Variants in LMO3 observed in about 807,000 individuals in gnomAD.
LMO3 encodes LIM domain only protein 3.
In LMO3, 2 loss-of-function variants were observed where a neutral mutation model predicts 15.8. The observed-to-expected ratio is 0.13, with a 90% CI of 0.05 to 0.40. LMO3 has a LOEUF of 0.40. LMO3 is among the 10% of genes least tolerant of loss of function. LMO3 has a pLI of 0.99. For synonymous variants in LMO3, 62 were observed against 63.8 expected (o/e 0.97, Z 0.13); for missense variants, 86 against 182.2 (o/e 0.47, Z 3.04).
upstream of LMO3, chr12:16,609,011 G>A (rs1269779966): frequency 6.6e-6 from 1 of 152,090 alleles, no homozygotes; most frequent in African/African-American, 2.4e-5. Flanking sequence ...TTTACAGCAA[G>A]ATTTTTTTTA....
intron 2 of LMO3, among the ~76,000 whole-genome samples, chr12:16,561,560 T>C (rs1045609183): frequency 2.0e-5 from 3 of 152,204 alleles, no homozygotes; most frequent in East Asian, 3.8e-4. Context: ...AGAAAACTCA[T>C]TTTGGTTATA....
rs112991578 is a variant in LMO3 at position 16,599,386 on chromosome 12, C to A, written c.206+1269G>T. On this transcript the variant is annotated intron_variant, in intron 2 of 3. Transcript: ENST00000537304. This position sits in a 1 kb window ranked among gnomAD's most constrained non-coding sequence, Gnocchi z 4.1. ...AGGAGTAGAATCTGATAAACAGTAC[C>A]GCTTTCACCCTCTTGTAACTACCAT... 2 of 152,192 alleles carry A rather than the reference C, an allele frequency of 1.3e-5. No individual in the cohort carries two copies. The highest frequency in any genetic ancestry group is 1.9e-4 in the East Asian group (1 of 5,168). 9.4% of individuals were successfully genotyped at this position (152,192 alleles called of 1,614,324 possible). A position where few individuals can be genotyped will look rare whatever the true frequency, so the allele number is the denominator to read the frequency against.
intron 2 of LMO3, among the ~76,000 whole-genome samples, chr12:16,575,223 G>A (rs1035765805): frequency 5.9e-5 from 9 of 152,168 alleles, no homozygotes; most frequent in Non-Finnish European, 1.3e-4. Context: ...AAACCCATAT[G>A]AATAAAACCC....
chr12:16,560,552 CA>C lies in LMO3; in HGVS notation c.207-15del, dbSNP rs1172364709. ...ACACCAAAGAGCCTAGAATAAGAAA[CA>C]TTTTTTTTTTTTTACAAACTCTTAC... On this transcript the variant is annotated splice_polypyrimidine_tract_variant and intron_variant, in intron 2 of 3. Coordinates refer to ENST00000537304, the MANE Select transcript of LMO3 (RefSeq NM_018640.5). The surrounding 1 kb of genome is among the most constrained non-coding windows in gnomAD (Gnocchi z 5.0). 6.4e-7 allele frequency: 1 copy of C among 1,551,108 alleles called. No homozygotes were observed. The highest frequency in any genetic ancestry group is 8.7e-7 in the Non-Finnish European group (1 of 1,149,248).
intron 2 of LMO3, among the ~76,000 whole-genome samples, chr12:16,566,557 G>A (rs988340532): frequency 6.6e-6 from 1 of 151,806 alleles, no homozygotes; most frequent in East Asian, 1.9e-4. Context: ...ATTAAAAAAA[G>A]AAATTTTCAA....
Position 16,598,885 on chromosome 12 carries a change from C to A in LMO3, c.206+1770G>T. ...CTTTCAAGTTTACTTAATTTTTGTC[C>A]TTTGGTTTATTAAAACACCTTAACA... On this transcript the variant is annotated intron_variant, in intron 2 of 3. Transcript: ENST00000537304. The surrounding 1 kb of genome is among the most constrained non-coding windows in gnomAD (Gnocchi z 4.3). The A allele has an allele frequency of 3.6e-6, 1 of 275,308 alleles. No homozygotes were observed. 17.1% of individuals were successfully genotyped at this position (275,308 alleles called of 1,614,324 possible). A position where few individuals can be genotyped will look rare whatever the true frequency, so the allele number is the denominator to read the frequency against.
rs953851730 is a variant in LMO3, at chr12:16,603,078, T to C, written c.-8-2210A>G. ...CAAGCATAGAAGGTCAGCTGTTTTA[T>C]TCAAAATGCTTTGCAACCAAGACAG... On this transcript the variant is annotated intron_variant, in intron 1 of 3. Coordinates refer to ENST00000537304, the MANE Select transcript of LMO3 (RefSeq NM_018640.5). The surrounding 1 kb of genome is among the most constrained non-coding windows in gnomAD (Gnocchi z 4.9). 6.6e-6 allele frequency among the ~76,000 whole-genome samples: 1 copy of C among 152,170 alleles called. No homozygotes were observed. Among genetic ancestry groups the C allele is most frequent in the African/African-American group, 2.4e-5 (1 of 41,440 alleles).
chr12:16,556,331 G>C (rs1323812843), intron 3 of LMO3, among the ~76,000 whole-genome samples: 1 of 152,100 alleles, frequency 6.6e-6, no homozygotes, highest in African/African-American at 2.4e-5. Flanking sequence ...CCCTCCTGCG[G>C]TACCTTTTAA....
At position 16,560,272 on chromosome 12, in the gene LMO3, G is replaced by T; in HGVS notation, c.332+141C>A. The T allele has an allele frequency of 1.2e-6, 1 of 836,314 alleles. No homozygotes were observed. Among genetic ancestry groups the T allele is most frequent in the Non-Finnish European group, 1.8e-6 (1 of 569,366 alleles). 51.8% of individuals were successfully genotyped at this position (836,314 alleles called of 1,614,324 possible). ...TTCTTCTCCTTAGTAGCTTGTCTCT[G>T]GCATGGGATTAAAGTTTACAGAACA... On this transcript the variant is annotated intron_variant, in intron 3 of 3. Transcript: ENST00000537304. The surrounding 1 kb of genome is among the most constrained non-coding windows in gnomAD (Gnocchi z 5.0).
At chr12:16,609,272 C>T (rs985449076), upstream of LMO3, 22 of 152,066 alleles carry the variant, frequency 1.4e-4, no homozygotes, top group Admixed American at 5.9e-4. Context: ...CACCATTAAC[C>T]CTCAGCAAAC....
intron 2 of LMO3, chr12:16,594,429 T>C: frequency 2.0e-6 from 1 of 511,644 alleles, no homozygotes; most frequent in Non-Finnish European, 3.3e-6. Context: ...GAACAGAGTA[T>C]TGCTATTTTT....
intron 2 of LMO3, 157 bp downstream of exon 2, chr12:16,600,498 G>T: frequency 1.6e-6 from 1 of 629,928 alleles, no homozygotes; most frequent in Non-Finnish European, 2.8e-6. Flanking sequence ...ATTAATTTGA[G>T]TAACACACAC....
At chr12:16,606,734 T>A (rs1339212193), upstream of LMO3, 2 of 152,042 alleles carry the variant, frequency 1.3e-5, no homozygotes, top group African/African-American at 4.8e-5. Context: ...CACAACCACA[T>A]GCATATGCTA....
chr12:16,604,167 C>T lies in LMO3; in HGVS notation c.-9+1899G>A, dbSNP rs1943916137. ...CCCATCTTCATCCTCTTCCCAGCCC[C>T]CAACCCAGGTTGGAAAACTGGATTG... On this transcript the variant is annotated intron_variant, in intron 1 of 3. Coordinates refer to ENST00000537304, the MANE Select transcript of LMO3 (RefSeq NM_018640.5). This position sits in a 1 kb window ranked among gnomAD's most constrained non-coding sequence, Gnocchi z 5.3. Among the ~76,000 whole-genome samples the T allele has an allele frequency of 6.6e-6, 1 of 152,224 alleles. No individual in the cohort carries two copies. The highest frequency in any genetic ancestry group is 2.4e-5 in the African/African-American group (1 of 41,462).
intron 2 of LMO3, among the ~76,000 whole-genome samples, chr12:16,588,323 A>C (rs1337606688): frequency 6.6e-6 from 1 of 152,050 alleles, no homozygotes; most frequent in African/African-American, 2.4e-5. Context: ...TGTTTAAAGA[A>C]CACTGTGAAA....
In LMO3 at chr12:16,586,441, C is replaced by G. The variant is rs1157053364; in HGVS notation, c.206+14214G>C. 6.6e-6 allele frequency among the ~76,000 whole-genome samples: 1 copy of G among 152,202 alleles called. No homozygotes were observed. The highest frequency in any genetic ancestry group is 2.4e-5 in the African/African-American group (1 of 41,456). ...TTTCTGGTTCTCCTCCAACACACAGCTGAGTCACAGAGGCCCTGGACAATG... is the reference window on the plus strand; with the variant it reads ...TTTCTGGTTCTCCTCCAACACACAGGTGAGTCACAGAGGCCCTGGACAATG... On this transcript the variant is annotated intron_variant, in intron 2 of 3. Coordinates refer to ENST00000537304, the MANE Select transcript of LMO3 (RefSeq NM_018640.5). This position sits in a 1 kb window ranked among gnomAD's most constrained non-coding sequence, Gnocchi z 4.3.
intron 3 of LMO3, 100 bp from the exon 4 acceptor site, chr12:16,551,427 C>G (rs1941985906): frequency 2.8e-6 from 2 of 709,648 alleles, no homozygotes; most frequent in Admixed American, 4.6e-5. Flanking sequence ...CATGGTAATT[C>G]CCTGAATCTG....
At position 16,552,376 on chromosome 12, in the gene LMO3, G is replaced by C. The variant is rs959851451; in HGVS notation, c.333-1049C>G. Among the ~76,000 whole-genome samples, 4 of 152,154 alleles carry C rather than the reference G, an allele frequency of 2.6e-5. No individual in the cohort carries two copies. In the South Asian group the frequency reaches 8.3e-4, roughly 32 times the overall value. ...TATCAGATAGTCAATTTCAAATGAT[G>C]TTCCAGCAGAAATCTTAGTGGATAG... On this transcript the variant is annotated intron_variant, in intron 3 of 3. Transcript: ENST00000537304.
chr12:16,559,470 C>A lies in LMO3; in HGVS notation c.332+943G>T, dbSNP rs1349769312. Among the ~76,000 whole-genome samples, 1 of 152,142 alleles carries A rather than the reference C, an allele frequency of 6.6e-6. No homozygotes were observed. On this transcript the variant is annotated intron_variant, in intron 3 of 3. Coordinates refer to ENST00000537304, the MANE Select transcript of LMO3 (RefSeq NM_018640.5). The surrounding 1 kb of genome is among the most constrained non-coding windows in gnomAD (Gnocchi z 4.1). ...GGAAGGTGTTTGTTTGGTTTAAGATCGCACAGCTTATTAGTGGCAGAGCCC... is the reference window on the plus strand; with the variant it reads ...GGAAGGTGTTTGTTTGGTTTAAGATAGCACAGCTTATTAGTGGCAGAGCCC...
Sources: allele counts gnomAD v4.1 joint callset (sites outside exome capture counted in the v4.1 genomes callset), GRCh38; gene constraint gnomAD v4.1.1; non-coding constraint Gnocchi (gnomAD v3.1); transcripts MANE v1.5; gene names NCBI Gene and HGNC (gene_info 2026-07-23, HGNC 2026-07-21).